ADAM22: variants seen among roughly 807,000 people sequenced by gnomAD.
ADAM22 encodes ADAM metallopeptidase domain 22, also known as disintegrin and metalloproteinase domain-containing protein 22.
ADAM22 carries 65 observed loss-of-function variants against 144.6 expected under a neutral mutation model. That is an observed-to-expected ratio of 0.45 (90% CI 0.37 to 0.55). The LOEUF (loss-of-function observed/expected upper bound fraction) is 0.55. Ranked by LOEUF, ADAM22 falls within the 20% of genes least tolerant of loss-of-function variation. The pLI, the probability that ADAM22 is intolerant of heterozygous loss-of-function variation, is 0.00. For synonymous variants in ADAM22, 391 were observed against 412.6 expected (o/e 0.95, Z 0.63); for missense variants, 974 against 1,184.9 (o/e 0.82, Z 2.61).
chr7:88,131,301 A>C lies in ADAM22; in HGVS notation c.858A>C (p.Val286=). 2 of 1,613,792 alleles carry C rather than the reference A, an allele frequency of 1.2e-6. No homozygotes were observed. Among genetic ancestry groups the C allele is most frequent in the South Asian group, 2.2e-5 (2 of 91,070 alleles). ...AAGACCAACTTAAGACCAGGATAGT[A>C]TTGGTTGCTATGGAAACCTGGGCGA... ...IYKDQLKTRI[V]LVAMETWATD... is the part of the protein sequence containing the mutation. Residue 286 remains valine, a synonymous_variant, in exon 11 of 32, where the codon GTA becomes GTC. Coordinates refer to ENST00000413139, the MANE Select transcript of ADAM22 (RefSeq NM_001324418.2).
chr7:88,005,384 A>T (rs1454058086), intron 3 of ADAM22, among the ~76,000 whole-genome samples: 1 of 152,174 alleles, frequency 6.6e-6, no homozygotes, highest in Non-Finnish European at 1.5e-5. Context: ...GATGGTTCCT[A>T]TGGAGTAGGC....
rs1177901230 is a variant in ADAM22 at position 88,196,509 on chromosome 7, T to G, written c.*18T>G. ...CCATTTAAGATCAACTGTTTACATG[T>G]GATACATCGAAAACTGTTTACTTCA... On this transcript the variant is annotated 3_prime_UTR_variant, in exon 32 of 32. Coordinates refer to ENST00000413139, the MANE Select transcript of ADAM22 (RefSeq NM_001324418.2). 1.2e-6 allele frequency: 2 copies of G among 1,613,778 alleles called. No individual in the cohort carries two copies. Among genetic ancestry groups the G allele is most frequent in the East Asian group, 2.2e-5 (1 of 44,872 alleles).
At chr7:87,999,021 C>T (rs765570034) in intron 3 of ADAM22, among the ~76,000 whole-genome samples, 4 of 152,050 alleles carry the variant, frequency 2.6e-5, no homozygotes, top group Admixed American at 6.6e-5. Context: ...CATCTGGCCC[C>T]GGGGTTGTTG....
intron 3 of ADAM22, among the ~76,000 whole-genome samples, chr7:87,990,259 T>C (rs1584864222): frequency 6.6e-6 from 1 of 152,094 alleles, no homozygotes. Flanking sequence ...GCACTGGGAG[T>C]GCAATGGAGC....
chr7:88,060,043 C>T (rs1270451071), intron 3 of ADAM22, among the ~76,000 whole-genome samples: 1 of 152,070 alleles, frequency 6.6e-6, no homozygotes, highest in Non-Finnish European at 1.5e-5. Flanking sequence ...ATATTATAGT[C>T]TAGTAAGTGT....
Position 88,096,256 on chromosome 7 carries a change from C to G in ADAM22, c.391-11920C>G, listed in dbSNP as rs149036008. On this transcript the variant is annotated intron_variant, in intron 4 of 31. Coordinates refer to ENST00000413139, the MANE Select transcript of ADAM22 (RefSeq NM_001324418.2). ...TTTTTTTTTTTTTTCCCCCAAAGAA[C>G]CAGCTTTACTTTCTTTACCAAAATA... Among the ~76,000 whole-genome samples the G allele has an allele frequency of 1.2e-3, 188 of 151,724 alleles. 2 individuals are homozygous for G. The highest frequency in any genetic ancestry group is 4.3e-3 in the African/African-American group (180 of 41,410).
chr7:88,080,327 C>T (rs927317677), intron 4 of ADAM22, among the ~76,000 whole-genome samples: 33 of 151,728 alleles, frequency 2.2e-4, no homozygotes, highest in Non-Finnish European at 3.1e-4. Context: ...TACCAGAATC[C>T]CTGGGACACA....
intron 2 of ADAM22, among the ~76,000 whole-genome samples, chr7:87,937,156 C>T (rs905714856): frequency 1.3e-5 from 2 of 152,094 alleles, no homozygotes; most frequent in African/African-American, 2.4e-5. Context: ...TGGGATTTCA[C>T]CATGTTGCGC....
chr7:87,941,102 T>C (rs1842382273), intron 2 of ADAM22, among the ~76,000 whole-genome samples: 1 of 152,236 alleles, frequency 6.6e-6, no homozygotes, highest in Admixed American at 6.5e-5. Context: ...GATTATATAT[T>C]TCTACAAGGA....
intron 2 of ADAM22, among the ~76,000 whole-genome samples, chr7:87,968,921 T>C (rs920654191): frequency 2.0e-5 from 3 of 152,066 alleles, no homozygotes; most frequent in African/African-American, 7.2e-5. Flanking sequence ...TGGCATGTCT[T>C]ACATGGTCAG....
At chr7:87,955,241 T>C (rs1846357928) in intron 2 of ADAM22, among the ~76,000 whole-genome samples, 1 of 152,250 alleles carries the variant, frequency 6.6e-6, no homozygotes, top group Non-Finnish European at 1.5e-5. Context: ...TTTTCTGCTC[T>C]GTTTTTTCCC....
intron 3 of ADAM22, among the ~76,000 whole-genome samples, chr7:88,069,207 A>C (rs1812091621): frequency 6.8e-6 from 1 of 146,854 alleles, no homozygotes; most frequent in African/African-American, 2.5e-5. Flanking sequence ...CTTCCTCCCT[A>C]TGTTTCTCCT....
At chr7:88,181,395 CTTGA>C (rs1483966852) in intron 27 of ADAM22, 106 bp from the exon 28 acceptor site, 1 of 808,308 alleles carries the variant, frequency 1.2e-6, no homozygotes, top group African/African-American at 1.8e-5. Flanking sequence ...TTTTTTCTTT[CTTGA>C]TTTATTTTAT....
chr7:88,201,387 C>T lies in ADAM22; in HGVS notation c.*4896C>T, dbSNP rs1002847685. 2 of 152,176 alleles carry T rather than the reference C, an allele frequency of 1.3e-5. No individual in the cohort carries two copies. The highest frequency in any genetic ancestry group is 2.9e-5 in the Non-Finnish European group (2 of 68,084). The allele number at this position is 152,176 out of a possible 1,614,324, so 9.4% of individuals were successfully genotyped here. Reference sequence around the variant, plus strand: ...TGGGGAGGAGATAAGAAGCAGAGAACTTTGGGAGACCATGGGGCATTTAGT... The same window carrying T: ...TGGGGAGGAGATAAGAAGCAGAGAATTTTGGGAGACCATGGGGCATTTAGT... On this transcript the variant is annotated 3_prime_UTR_variant, in exon 32 of 32. Coordinates refer to ENST00000413139, the MANE Select transcript of ADAM22 (RefSeq NM_001324418.2).
At chr7:88,019,886 T>C (rs560517494) in intron 3 of ADAM22, among the ~76,000 whole-genome samples, 21 of 150,620 alleles carry the variant, frequency 1.4e-4, no homozygotes, top group Admixed American at 4.7e-4. Flanking sequence ...TGTGTGTGTG[T>C]GTGTGTGTGT....
rs1017884918 is a variant in ADAM22, at chr7:88,197,466, C to T, written c.*975C>T. 17 of 152,314 alleles carry T rather than the reference C, an allele frequency of 1.1e-4. No individual in the cohort carries two copies. The highest frequency in any genetic ancestry group is 4.1e-4 in the African/African-American group (17 of 41,548). The allele number at this position is 152,314 out of a possible 1,614,324, so 9.4% of individuals were successfully genotyped here. A position where few individuals can be genotyped will look rare whatever the true frequency, so the allele number is the denominator to read the frequency against. ...GCTGCTCCCTGGAAATCATCTATCC[C>T]ATCCGTCCATCCCATCTCATCCCAG... On this transcript the variant is annotated 3_prime_UTR_variant, in exon 32 of 32. Coordinates refer to ENST00000413139, the MANE Select transcript of ADAM22 (RefSeq NM_001324418.2).
chr7:88,071,861 T>C (rs1393112427), intron 3 of ADAM22, among the ~76,000 whole-genome samples: 6 of 152,162 alleles, frequency 3.9e-5, no homozygotes, highest in African/African-American at 9.6e-5. Flanking sequence ...CCCATTTACA[T>C]TAATATAAAA....
chr7:88,156,834 C>T (rs1452336120), intron 22 of ADAM22, among the ~76,000 whole-genome samples: 1 of 151,148 alleles, frequency 6.6e-6, no homozygotes, highest in Non-Finnish European at 1.5e-5. Context: ...TCAGTGGTAC[C>T]GATTTCCAGT....
rs1851049688 is a variant in ADAM22 at position 88,199,899 on chromosome 7, T to C, written c.*3408T>C. 1 of 152,216 alleles carries C rather than the reference T, an allele frequency of 6.6e-6. No individual in the cohort carries two copies. Among genetic ancestry groups the C allele is most frequent in the Non-Finnish European group, 1.5e-5 (1 of 68,034 alleles). 9.4% of individuals were successfully genotyped at this position (152,216 alleles called of 1,614,324 possible). On this transcript the variant is annotated 3_prime_UTR_variant, in exon 32 of 32. Coordinates refer to ENST00000413139, the MANE Select transcript of ADAM22 (RefSeq NM_001324418.2). ...TGGCATAGAATTTCTGAAAGTAACA[T>C]TAATAGGATTTCTAAAGAAGTTGTC...
Sources: allele counts gnomAD v4.1 joint callset (sites outside exome capture counted in the v4.1 genomes callset), GRCh38; gene constraint gnomAD v4.1.1; transcripts MANE v1.5; gene names NCBI Gene and HGNC (gene_info 2026-07-23, HGNC 2026-07-21).